The following STX7 variants were observed in gnomAD, a reference collection of about 807,000 sequenced individuals.
The protein encoded by STX7 is syntaxin 7, also known as syntaxin-7.
A neutral mutation model predicts 39.6 loss-of-function variants in STX7; 34 were observed. That is an observed-to-expected ratio of 0.86 (90% CI 0.65 to 1.14). The LOEUF is 1.14. STX7 is among the 50% of genes most tolerant of loss of function. The pLI, the probability that STX7 is intolerant of heterozygous loss-of-function variation, is 0.00. For missense variants in STX7, 284 were observed against 310.4 expected (o/e 0.92, Z 0.64); for synonymous variants, 119 against 99.1 (o/e 1.20, Z -1.19).
intron 2 of STX7, among the ~76,000 whole-genome samples, chr6:132,482,797 C>G (rs1389293362): frequency 2.0e-5 from 3 of 152,058 alleles, no homozygotes; most frequent in African/African-American, 7.2e-5. Context: ...GGAAGAAACG[C>G]CTGCTCTTTC....
At chr6:132,469,320 G>A (rs1028769449) in intron 7 of STX7, among the ~76,000 whole-genome samples, 2 of 152,134 alleles carry the variant, frequency 1.3e-5, no homozygotes, top group African/African-American at 2.4e-5. Context: ...GCTCTGGGAA[G>A]ACATCCAGAC....
intron 2 of STX7, among the ~76,000 whole-genome samples, chr6:132,496,479 A>G (rs577672246): frequency 2.0e-5 from 3 of 152,310 alleles, no homozygotes; most frequent in South Asian, 4.1e-4. Context: ...ACTTAAAAAT[A>G]ATACATAAGC....
chr6:132,465,945 A>G (rs1774554599), intron 8 of STX7, among the ~76,000 whole-genome samples: 1 of 152,156 alleles, frequency 6.6e-6, no homozygotes. Context: ...CACCTTCATC[A>G]ATCCCATAGC....
At chr6:132,503,387 C>A in intron 2 of STX7, 59 bp downstream of exon 2, 1 of 1,445,838 alleles carries the variant, frequency 6.9e-7, no homozygotes, top group South Asian at 1.2e-5. Context: ...TTATGAACCT[C>A]CACCAAGTTC....
At chr6:132,487,160 A>G (rs1276835706) in intron 2 of STX7, among the ~76,000 whole-genome samples, 1 of 152,170 alleles carries the variant, frequency 6.6e-6, no homozygotes, top group Non-Finnish European at 1.5e-5. Flanking sequence ...CAATTTCTTG[A>G]TATAGAGCTA....
Position 132,451,291 on chromosome 6 carries a change from TCG to T in STX7, c.*9465_*9466del, listed in dbSNP as rs1774130880. 1 of 152,136 alleles carries T rather than the reference TCG, an allele frequency of 6.6e-6. No homozygotes were observed. Among genetic ancestry groups the T allele is most frequent in the African/African-American group, 2.4e-5 (1 of 41,428 alleles). 9.4% of individuals were successfully genotyped at this position (152,136 alleles called of 1,614,324 possible). A position where few individuals can be genotyped will look rare whatever the true frequency, so the allele number is the denominator to read the frequency against. ...TTGTATTTTTAGTAGAGGCGGGGTT[TCG>T]CCATGTTAGCCAGGCTGGTCTCAAA... is the stretch of plus-strand genomic sequence containing the variant. On this transcript the variant is annotated 3_prime_UTR_variant, in exon 10 of 10. Transcript: ENST00000367941.
At chr6:132,465,545 T>C (rs539912994) in intron 8 of STX7, among the ~76,000 whole-genome samples, 12 of 152,334 alleles carry the variant, frequency 7.9e-5, no homozygotes, top group African/African-American at 2.4e-4. Context: ...AAGGATTAAC[T>C]GTGTTTCACT....
chr6:132,487,312 T>A (rs1775161809), intron 2 of STX7, among the ~76,000 whole-genome samples: 1 of 152,182 alleles, frequency 6.6e-6, no homozygotes, highest in East Asian at 1.9e-4. Flanking sequence ...AAAAAATGAG[T>A]TCATGTCCTT....
chr6:132,485,549 A>G (rs1582666226), intron 2 of STX7, among the ~76,000 whole-genome samples: 1 of 152,218 alleles, frequency 6.6e-6, no homozygotes, highest in Non-Finnish European at 1.5e-5. Context: ...GAACGGCTGG[A>G]TAGTATGACA....
chr6:132,507,008 C>A (rs1172066533), intron 1 of STX7, among the ~76,000 whole-genome samples: 2 of 152,118 alleles, frequency 1.3e-5, no homozygotes, highest in African/African-American at 4.8e-5. Flanking sequence ...TTCACAGCAA[C>A]ACAGATGAAC....
rs71952617 is a variant in STX7 at position 132,462,582 on chromosome 6, G to GGTGTGTGTGTGTGTGT, written c.693+1395_693+1410dup. ...CCAGAAGACTTCTGGCATTTGCAGG[G>GGTGTGTGTGTGTGTGT]GTGTGTGTGTGTGTGTGTGTGTGTG... On this transcript the variant is annotated intron_variant, in intron 9 of 9. Coordinates refer to ENST00000367941, the MANE Select transcript of STX7 (RefSeq NM_003569.3). Among the ~76,000 whole-genome samples the GGTGTGTGTGTGTGTGT allele has an allele frequency of 1.3e-3, 191 of 144,986 alleles. 2 individuals carry two copies. Among genetic ancestry groups the GGTGTGTGTGTGTGTGT allele is most frequent in the African/African-American group, 4.4e-3 (172 of 38,752 alleles).
intron 2 of STX7, among the ~76,000 whole-genome samples, chr6:132,483,244 C>T (rs1256206958): frequency 6.6e-6 from 1 of 152,128 alleles, no homozygotes; most frequent in Non-Finnish European, 1.5e-5. Flanking sequence ...ATAACCTATG[C>T]ACATCCTCCT....
Position 132,450,180 on chromosome 6 carries a change from A to G in STX7, c.*10578T>C, listed in dbSNP as rs1774108569. On this transcript the variant is annotated 3_prime_UTR_variant, in exon 10 of 10. Coordinates refer to ENST00000367941, the MANE Select transcript of STX7 (RefSeq NM_003569.3). ...TTCTAATGAGCCAGGAAATGAACTA[A>G]TATTATGTGTGTTGTATTTTATCCA... is the stretch of plus-strand genomic sequence containing the variant. 6.6e-6 allele frequency: 1 copy of G among 152,182 alleles called. No individual in the cohort carries two copies. The highest frequency in any genetic ancestry group is 1.5e-5 in the Non-Finnish European group (1 of 68,040). The allele number at this position is 152,182 out of a possible 1,614,324, so 9.4% of individuals were successfully genotyped here.
At position 132,457,682 on chromosome 6, in the gene STX7, T is replaced by C. The variant is rs1263655326; in HGVS notation, c.*3076A>G. ...ATCATGAAAATACACAACTTTTTTT[T>C]TTCCAGGAAAGACAGATGTTATTTA... On this transcript the variant is annotated 3_prime_UTR_variant, in exon 10 of 10. Transcript: ENST00000367941. 1.3e-5 allele frequency: 2 copies of C among 152,204 alleles called. No individual in the cohort carries two copies. The highest frequency in any genetic ancestry group is 1.5e-5 in the Non-Finnish European group (1 of 68,024). The allele number at this position is 152,204 out of a possible 1,614,324, so 9.4% of individuals were successfully genotyped here.
rs374427927 is a variant in STX7, at chr6:132,471,623, C to A, written c.250-23G>T. 2.5e-6 allele frequency: 4 copies of A among 1,605,918 alleles called. No individual in the cohort carries two copies. The African/African-American group carries it at 5.4e-5, about 22-fold the overall frequency. ...ACGCTAGAGGAAAGAGAAGAAAAAG[C>A]CAACTAGAATCTAGCTGTGAAGTTC... On this transcript the variant is annotated intron_variant, in intron 4 of 9. Coordinates refer to ENST00000367941, the MANE Select transcript of STX7 (RefSeq NM_003569.3).
chr6:132,462,102 T>C (rs1423596600), intron 9 of STX7, among the ~76,000 whole-genome samples: 2 of 152,198 alleles, frequency 1.3e-5, no homozygotes, highest in Non-Finnish European at 2.9e-5. Context: ...CAAACACACA[T>C]GTAATGTACC....
Position 132,457,867 on chromosome 6 carries a change from C to T in STX7, c.*2891G>A, listed in dbSNP as rs1027621244. The stretch of plus-strand genomic sequence containing the variant: ...TTTTGACTTTCAAAAAAAATAAATG[C>T]TGCATAAGTTACCCTTGTGGACCTT... On this transcript the variant is annotated 3_prime_UTR_variant, in exon 10 of 10. Transcript: ENST00000367941. 18 of 152,168 alleles carry T rather than the reference C, an allele frequency of 1.2e-4. No individual in the cohort carries two copies. Among genetic ancestry groups the T allele is most frequent in the African/African-American group, 4.3e-4 (18 of 41,430 alleles). 9.4% of individuals were successfully genotyped at this position (152,168 alleles called of 1,614,324 possible).
At chr6:132,461,926 A>T in intron 9 of STX7, 1 of 1,375,532 alleles carries the variant, frequency 7.3e-7, no homozygotes, top group Non-Finnish European at 9.9e-7. Flanking sequence ...TATTTATAAA[A>T]AGATACATTT....
chr6:132,462,373 A>C lies in STX7; in HGVS notation c.694-1523T>G, dbSNP rs374311599. 7.2e-5 allele frequency among the ~76,000 whole-genome samples: 11 copies of C among 152,234 alleles called. No homozygotes were observed. In the East Asian group the frequency reaches 9.6e-4, roughly 13 times the overall value. On this transcript the variant is annotated intron_variant, in intron 9 of 9. Coordinates refer to ENST00000367941, the MANE Select transcript of STX7 (RefSeq NM_003569.3). ...GGAATTAAGCCTAGGGGCAGCTTCC[A>C]GTCCTGGGGTGTAGCTTGGGACATG... is the stretch of plus-strand genomic sequence containing the variant.
Sources: allele counts gnomAD v4.1 joint callset (sites outside exome capture counted in the v4.1 genomes callset), GRCh38; gene constraint gnomAD v4.1.1; transcripts MANE v1.5; gene names NCBI Gene and HGNC (gene_info 2026-07-23, HGNC 2026-07-21).